The following RPRD2 variants were observed in gnomAD, a reference collection of about 807,000 sequenced individuals.
RPRD2 encodes the protein regulation of nuclear pre-mRNA domain containing 2, also known as regulation of nuclear pre-mRNA domain-containing protein 2.
Under a neutral mutation model 104.4 loss-of-function variants are expected in RPRD2, and 12 were observed. That is an observed-to-expected ratio of 0.11 (90% confidence interval 0.07 to 0.19). RPRD2 has a LOEUF of 0.19. Ranked by LOEUF, RPRD2 falls within the 10% of genes least tolerant of loss-of-function variation. The pLI, the probability that RPRD2 is intolerant of heterozygous loss-of-function variation, is 1.00. For missense variants in RPRD2, 1,543 were observed against 1,790.1 expected (o/e 0.86, Z 2.49); for synonymous variants, 714 against 684.9 (o/e 1.04, Z -0.66).
intron 1 of RPRD2, among the ~76,000 whole-genome samples, chr1:150,386,129 T>G (rs1661548347): frequency 6.6e-6 from 1 of 152,202 alleles, no homozygotes; most frequent in South Asian, 2.1e-4. Flanking sequence ...CTATTTTTAT[T>G]TATTTATTTA....
chr1:150,387,567 CTTTTTTTTTTTTTTTTTT>C (rs562476167), intron 1 of RPRD2, among the ~76,000 whole-genome samples: 34 of 73,794 alleles, frequency 4.6e-4, no homozygotes, highest in African/African-American at 9.8e-4. Context: ...TGCAACAGAC[CTTTTTTTTTTTTTTTTTT>C]TTTTTTTTTT....
At chr1:150,458,037 C>T (rs889076255) in intron 8 of RPRD2, among the ~76,000 whole-genome samples, 6 of 152,134 alleles carry the variant, frequency 3.9e-5, no homozygotes, top group Non-Finnish European at 1.5e-5. Context: ...CCACTGCACT[C>T]CAGTCTGGGA....
intron 2 of RPRD2, among the ~76,000 whole-genome samples, chr1:150,436,500 C>T (rs1410449755): frequency 6.6e-6 from 1 of 152,018 alleles, no homozygotes; most frequent in African/African-American, 2.4e-5. Context: ...ACTCCGGAGG[C>T]TGAGGCAGGA....
At chr1:150,456,343 G>A (rs10888582) in intron 7 of RPRD2, among the ~76,000 whole-genome samples, 33,696 of 152,022 alleles carry the variant, frequency 0.22, 4,247 homozygotes, top group African/African-American at 0.32. Context: ...TCAGGCAACT[G>A]TGTGGATGGT....
chr1:150,364,743 G>C lies in RPRD2; in HGVS notation c.29G>C (p.Ser10Thr). Reference protein sequence around the residue: MAAGGGGGSSKASSSSASSA... With the variant: MAAGGGGGSTKASSSSASSA... ...GCGGCCGGCGGCGGCGGAGGCAGCA[G>C]TAAGGCCTCCTCCTCGTCGGCCTCT... is the stretch of plus-strand genomic sequence containing the variant. Residue 10 changes from serine to threonine, a missense_variant, in exon 1 of 11, where the codon AGT becomes ACT. Physicochemically the swap from Ser to Thr is moderately conservative, Grantham distance 58 (BLOSUM62 1). Coordinates refer to ENST00000369068, the MANE Select transcript of RPRD2 (RefSeq NM_015203.5). 6.3e-7 allele frequency: 1 copy of C among 1,591,012 alleles called. No individual in the cohort carries two copies. Among genetic ancestry groups the C allele is most frequent in the Non-Finnish European group, 8.6e-7 (1 of 1,168,570 alleles).
intron 2 of RPRD2, among the ~76,000 whole-genome samples, chr1:150,421,796 G>A (rs943110647): frequency 5.3e-5 from 8 of 152,042 alleles, no homozygotes; most frequent in African/African-American, 1.9e-4. Flanking sequence ...GGGCAATATA[G>A]CGAGACCCTG....
intron 1 of RPRD2, among the ~76,000 whole-genome samples, chr1:150,370,887 C>T (rs1660248359): frequency 1.3e-5 from 2 of 152,026 alleles, no homozygotes; most frequent in Admixed American, 1.3e-4. Flanking sequence ...AGCTATTTTT[C>T]ATAGAAACTT....
chr1:150,376,736 G>A (rs912908559), intron 1 of RPRD2, among the ~76,000 whole-genome samples: 31 of 151,560 alleles, frequency 2.0e-4, no homozygotes, highest in African/African-American at 4.8e-4. Flanking sequence ...TCCTGACCTC[G>A]TGATCCGCCC....
intron 2 of RPRD2, among the ~76,000 whole-genome samples, chr1:150,426,333 C>T (rs781850200): frequency 2.0e-5 from 3 of 152,142 alleles, no homozygotes; most frequent in Non-Finnish European, 2.9e-5. Context: ...GGTTTGGAGT[C>T]AAACTTGCAA....
intron 2 of RPRD2, among the ~76,000 whole-genome samples, chr1:150,420,596 C>T (rs911371934): frequency 3.9e-5 from 6 of 152,144 alleles, no homozygotes; most frequent in East Asian, 3.8e-4. Flanking sequence ...GAGGCCGAGG[C>T]AGGCAGATCA....
chr1:150,447,809 G>A (rs587645254), intron 7 of RPRD2, among the ~76,000 whole-genome samples: 1 of 152,268 alleles, frequency 6.6e-6, no homozygotes, highest in South Asian at 2.1e-4. Context: ...CTTCGTAGAA[G>A]CAATCCCTTT....
At chr1:150,430,916 A>G (rs587730687) in intron 2 of RPRD2, among the ~76,000 whole-genome samples, 5 of 150,968 alleles carry the variant, frequency 3.3e-5, no homozygotes, top group Admixed American at 2.6e-4. Flanking sequence ...AACAAGAGCG[A>G]AACTCCATCT....
intron 1 of RPRD2, among the ~76,000 whole-genome samples, chr1:150,398,859 A>G (rs1553884774): frequency 6.6e-6 from 1 of 152,024 alleles, no homozygotes; most frequent in African/African-American, 2.4e-5. Flanking sequence ...GCATTTTTAA[A>G]AAAGCAATAA....
chr1:150,388,375 CAT>C (rs1553882411), intron 1 of RPRD2, among the ~76,000 whole-genome samples: 2 of 142,962 alleles, frequency 1.4e-5, no homozygotes, highest in East Asian at 2.2e-4. Flanking sequence ...CATGTATACA[CAT>C]ATACACGTAT....
chr1:150,373,104 C>G (rs1394060156), intron 1 of RPRD2, among the ~76,000 whole-genome samples: 1 of 151,948 alleles, frequency 6.6e-6, no homozygotes, highest in Non-Finnish European at 1.5e-5. Context: ...ACCTCTGCCT[C>G]CCGGGTTCAA....
At chr1:150,451,297 G>A (rs1667153145) in intron 7 of RPRD2, among the ~76,000 whole-genome samples, 1 of 152,120 alleles carries the variant, frequency 6.6e-6, no homozygotes, top group Non-Finnish European at 1.5e-5. Flanking sequence ...TACCTGTAAT[G>A]TTCCCCTTGA....
rs1572475773 is a variant in RPRD2, at chr1:150,437,701, C to A, written c.336-3222C>A. ...CTCAACCGATTCCCCCACCTCAGCCCTCCAAGTGGCTGGGACTACAGGTGT... is the reference window on the plus strand; with the variant it reads ...CTCAACCGATTCCCCCACCTCAGCCATCCAAGTGGCTGGGACTACAGGTGT... On this transcript the variant is annotated intron_variant, in intron 2 of 10. Transcript: ENST00000369068. Among the ~76,000 whole-genome samples the A allele has an allele frequency of 2.0e-5, 3 of 151,940 alleles. No homozygotes were observed. The South Asian group carries it at 6.2e-4, about 31-fold the overall frequency.
intron 9 of RPRD2, among the ~76,000 whole-genome samples, chr1:150,461,123 G>A (rs1553898718): frequency 6.6e-6 from 1 of 152,016 alleles, no homozygotes; most frequent in Non-Finnish European, 1.5e-5. Context: ...GGCCAGGCGT[G>A]GTGGCTCATG....
intron 2 of RPRD2, among the ~76,000 whole-genome samples, chr1:150,431,627 C>G (rs894435539): frequency 2.0e-5 from 3 of 150,662 alleles, no homozygotes; most frequent in East Asian, 1.9e-4. Flanking sequence ...ATTACAGGCG[C>G]GCGCCACCAT....
Sources: gnomAD v4.1 joint callset for allele counts (sites outside exome capture counted in the v4.1 genomes callset) on GRCh38, gnomAD v4.1.1 for gene constraint, MANE v1.5 for transcripts, NCBI Gene and HGNC (gene_info 2026-07-23, HGNC 2026-07-21) for gene names.